NRROS: variants seen among roughly 807,000 people sequenced by gnomAD.
The protein encoded by NRROS is negative regulator of reactive oxygen species.
A neutral mutation model predicts 12.0 loss-of-function variants in NRROS; 6 were observed. That is an observed-to-expected ratio of 0.50 (90% CI 0.27 to 0.98). NRROS has a LOEUF of 0.98. NRROS is among the 50% of genes least tolerant of loss of function. NRROS has a pLI of 0.11. For missense variants in NRROS, 857 were observed against 888.2 expected, an observed-to-expected ratio of 0.96 and a Z score of 0.45; for synonymous variants, 462 against 410.2, an observed-to-expected ratio of 1.13 and a Z score of -1.53.
chr3:196,650,067 C>A (rs138786797), intron 1 of NRROS, among the ~76,000 whole-genome samples: 1 of 152,258 alleles, frequency 6.6e-6, no homozygotes, highest in African/African-American at 2.4e-5. Context: ...ATTCAGATAT[C>A]CAGCGTGCAC....
intron 1 of NRROS, among the ~76,000 whole-genome samples, chr3:196,642,129 T>G (rs919382089): frequency 1.3e-5 from 2 of 152,104 alleles, no homozygotes; most frequent in African/African-American, 4.8e-5. Flanking sequence ...TGATGATTTC[T>G]GAAAGCTCAG....
chr3:196,642,159 C>T (rs1737220969), intron 1 of NRROS, among the ~76,000 whole-genome samples: 2 of 151,970 alleles, frequency 1.3e-5, no homozygotes, highest in African/African-American at 4.8e-5. Flanking sequence ...GGAAAAAGGA[C>T]ATCAGTGCTT....
chr3:196,651,161 G>C (rs1336381545), intron 1 of NRROS, among the ~76,000 whole-genome samples: 2 of 152,206 alleles, frequency 1.3e-5, no homozygotes, highest in African/African-American at 4.8e-5. Context: ...CTCTGAGGAA[G>C]CTCTCTGCAG....
chr3:196,661,415 T>A lies in NRROS; in HGVS notation c.1772T>A (p.Leu591His). Residue 591 changes from leucine to histidine, a missense_variant, in exon 3 of 3, where the codon CTC (leucine) becomes CAC (histidine). Leu to His is a moderately conservative substitution (Grantham distance 99). Transcript: ENST00000328557. ...QLSRGLRTIY[L>H]SQNPYDCCGV... ...TCGAGAGGTCTGCGGACCATCTACC[T>A]CAGTCAGAATCCATATGACTGCTGT... The A allele has an allele frequency of 1.3e-6, 2 of 1,576,356 alleles. No homozygotes were observed. Among genetic ancestry groups the A allele is most frequent in the Non-Finnish European group, 1.7e-6 (2 of 1,158,326 alleles).
intron 1 of NRROS, among the ~76,000 whole-genome samples, chr3:196,653,808 C>T (rs750442497): frequency 4.2e-4 from 64 of 152,158 alleles, no homozygotes; most frequent in Non-Finnish European, 7.5e-4. Flanking sequence ...TCTGCTGGTG[C>T]GTGTATACCT....
intron 1 of NRROS, among the ~76,000 whole-genome samples, chr3:196,643,872 G>GA (rs770742158): frequency 1.8e-3 from 281 of 152,194 alleles, no homozygotes; most frequent in Non-Finnish European, 2.6e-3. Flanking sequence ...GCCCTGCAGT[G>GA]TCTCCCCTCT....
In NRROS at chr3:196,654,183, A is replaced by G. The variant is rs1363276862; in HGVS notation, c.-13-344A>G. On this transcript the variant is annotated intron_variant, in intron 1 of 2. Coordinates refer to ENST00000328557, the MANE Select transcript of NRROS (RefSeq NM_198565.3). The surrounding 1 kb of genome is among the most constrained non-coding windows in gnomAD (Gnocchi z 4.4). Reference sequence around the variant, plus strand: ...TTGGAGCTGGAGGCAGGAAAACTTCAGCAGAATTACAAAATATGGGAAACT... The same window carrying G: ...TTGGAGCTGGAGGCAGGAAAACTTCGGCAGAATTACAAAATATGGGAAACT... Among the ~76,000 whole-genome samples the G allele has an allele frequency of 3.3e-5, 5 of 152,220 alleles. No homozygotes were observed. Among genetic ancestry groups the G allele is most frequent in the Admixed American group, 3.3e-4 (5 of 15,292 alleles).
chr3:196,648,766 C>CA (rs34359599), intron 1 of NRROS, among the ~76,000 whole-genome samples: 6,957 of 74,464 alleles, frequency 0.093, 446 homozygotes, highest in African/African-American at 0.11. Flanking sequence ...AACTCCATCT[C>CA]AAAAAAAAAA....
rs751480485 is a variant in NRROS at position 196,661,748 on chromosome 3, T to C, written c.*26T>C. 1 of 1,560,818 alleles carries C rather than the reference T, an allele frequency of 6.4e-7. No individual in the cohort carries two copies. The highest frequency in any genetic ancestry group is 1.2e-5 in the South Asian group (1 of 86,588). On this transcript the variant is annotated 3_prime_UTR_variant, in exon 3 of 3. Transcript: ENST00000328557. The stretch of plus-strand genomic sequence containing the variant: ...CCTGGCTGTGTGCCAAGACTCGAAA[T>C]TCGGTCCGCACACAACAGGACACTT...
Position 196,654,318 on chromosome 3 carries a change from GA to G in NRROS, c.-13-206del, listed in dbSNP as rs1737490543. Reference sequence around the variant, plus strand: ...GTCCATCAAGTGGTAGAGGCAAAATGAAATTGAGTTCTTGTCAACAGTTTCA... The same window carrying G: ...GTCCATCAAGTGGTAGAGGCAAAATGAATTGAGTTCTTGTCAACAGTTTCA... On this transcript the variant is annotated intron_variant, in intron 1 of 2. Coordinates refer to ENST00000328557, the MANE Select transcript of NRROS (RefSeq NM_198565.3). This position sits in a 1 kb window ranked among gnomAD's most constrained non-coding sequence, Gnocchi z 4.4. 6.6e-6 allele frequency among the ~76,000 whole-genome samples: 1 copy of G among 152,202 alleles called. No individual in the cohort carries two copies. The highest frequency in any genetic ancestry group is 2.4e-5 in the African/African-American group (1 of 41,466).
At chr3:196,647,520 G>A (rs1261841361) in intron 1 of NRROS, among the ~76,000 whole-genome samples, 2 of 152,164 alleles carry the variant, frequency 1.3e-5, no homozygotes, top group South Asian at 2.1e-4. Context: ...TCAAAATATA[G>A]GAATGTGTTA....
intron 1 of NRROS, among the ~76,000 whole-genome samples, chr3:196,652,052 C>A (rs1335615399): frequency 2.6e-5 from 4 of 152,180 alleles, no homozygotes; most frequent in Non-Finnish European, 5.9e-5. Flanking sequence ...CTGAGGAGGG[C>A]AGGGAAGGGG....
At chr3:196,641,709 A>T (rs1577626336) in intron 1 of NRROS, among the ~76,000 whole-genome samples, 1 of 151,780 alleles carries the variant, frequency 6.6e-6, no homozygotes, top group South Asian at 2.1e-4. Context: ...TCCAGTCTTG[A>T]CTCTTTTGGA....
chr3:196,645,533 A>C (rs1560339595), intron 1 of NRROS, among the ~76,000 whole-genome samples: 1 of 152,200 alleles, frequency 6.6e-6, no homozygotes, highest in Non-Finnish European at 1.5e-5. Flanking sequence ...CCCGTGTTCC[A>C]AGGTGAGCAC....
In NRROS at chr3:196,654,704, C is replaced by A; in HGVS notation, c.108+57C>A. 9.1e-7 allele frequency: 1 copy of A among 1,098,776 alleles called. No homozygotes were observed. Among genetic ancestry groups the A allele is most frequent in the South Asian group, 1.4e-5 (1 of 70,722 alleles). 68.1% of individuals were successfully genotyped at this position (1,098,776 alleles called of 1,614,324 possible). On this transcript the variant is annotated intron_variant, in intron 2 of 2. Coordinates refer to ENST00000328557, the MANE Select transcript of NRROS (RefSeq NM_198565.3). The surrounding 1 kb of genome is among the most constrained non-coding windows in gnomAD (Gnocchi z 4.4). ...TGCTCCTGTCCTGACAAGGCTTGGT[C>A]CATTTGGAAAGCTGACAGATTGTCC...
intron 1 of NRROS, among the ~76,000 whole-genome samples, chr3:196,640,379 A>C (rs186482866): frequency 1.3e-3 from 198 of 152,328 alleles, no homozygotes; most frequent in African/African-American, 4.4e-3. Context: ...AGATGAAGAC[A>C]CTAAGACTGG....
chr3:196,649,626 C>T (rs890677912), intron 1 of NRROS, among the ~76,000 whole-genome samples: 15 of 152,274 alleles, frequency 9.9e-5, no homozygotes, highest in East Asian at 3.9e-4. Context: ...CGCCCGCCAC[C>T]GCGCCCGGCT....
Position 196,660,762 on chromosome 3 carries a change from GC to G in NRROS, c.1125del (p.Gly376GlufsTer8). 6.2e-7 allele frequency: 1 copy of G among 1,613,764 alleles called. No individual in the cohort carries two copies. Among genetic ancestry groups the G allele is most frequent in the Non-Finnish European group, 8.5e-7 (1 of 1,180,018 alleles). ...TGACGCTTCACATTCGGGAGCACGAGCCCCCCGGAGCGCTCACCGAGCTGGA... is the reference window on the plus strand; with the variant it reads ...TGACGCTTCACATTCGGGAGCACGAGCCCCCGGAGCGCTCACCGAGCTGGA... The part of the protein sequence containing the change: ...LMTLHIREHE[P>X]PGALTELDLS... On this transcript the variant is annotated frameshift_variant, in exon 3 of 3. Transcript: ENST00000328557. LOFTEE classifies it low-confidence loss of function (END_TRUNC). The surrounding 1 kb of genome is among the most constrained non-coding windows in gnomAD (Gnocchi z 7.7).
intron 2 of NRROS, among the ~76,000 whole-genome samples, chr3:196,655,968 C>A (rs1042377954): frequency 6.6e-6 from 1 of 152,114 alleles, no homozygotes. Context: ...GTCAAGAGGT[C>A]GAGACCAGCC....
Sources: allele counts gnomAD v4.1 joint callset (sites outside exome capture counted in the v4.1 genomes callset), GRCh38; gene constraint gnomAD v4.1.1; non-coding constraint Gnocchi (gnomAD v3.1); transcripts MANE v1.5; gene names NCBI Gene and HGNC (gene_info 2026-07-23, HGNC 2026-07-21).